Variants in GREB1L observed in about 807,000 individuals in gnomAD.
The protein encoded by GREB1L is GREB1-like protein.
GREB1L carries 17 observed loss-of-function variants against 200.8 expected under a neutral mutation model. The observed-to-expected ratio is 0.08, with a 90% CI of 0.06 to 0.13. The LOEUF (loss-of-function observed/expected upper bound fraction) is 0.13. GREB1L is among the 10% of genes least tolerant of loss of function. GREB1L has a pLI of 1.00. For missense variants in GREB1L, 1,657 were observed against 2,367.7 expected (o/e 0.70, Z 6.23); for synonymous variants, 789 against 893.0 (o/e 0.88, Z 2.08).
At chr18:21,516,492 C>T in intron 29 of GREB1L, 121 bp from the exon 30 acceptor site, 1 of 1,001,840 alleles carries the variant, frequency 1.0e-6, no homozygotes, top group East Asian at 2.6e-5. Flanking sequence ...GCCAGCTCCA[C>T]AAAAGCATGG....
chr18:21,265,487 AT>A lies in GREB1L; in HGVS notation c.-120+23103del, dbSNP rs201305455. ...GGTGATGGGCATATTTATTGAAACC[AT>A]TTTTTTTTATATTTGTTTTTACAGG... On this transcript the variant is annotated intron_variant, in intron 1 of 32. Transcript: ENST00000424526. Among the ~76,000 whole-genome samples, 690 of 151,496 alleles carry A rather than the reference AT, an allele frequency of 4.6e-3. 12 individuals carry two copies. Among genetic ancestry groups the A allele is most frequent in the East Asian group, 0.028 (146 of 5,158 alleles).
intron 15 of GREB1L, among the ~76,000 whole-genome samples, chr18:21,459,954 AC>A (rs1395252420): frequency 1.3e-5 from 2 of 151,036 alleles, no homozygotes; most frequent in Non-Finnish European, 3.0e-5. Flanking sequence ...AGGCACATTT[AC>A]CCCCCGCTTC....
intron 1 of GREB1L, among the ~76,000 whole-genome samples, chr18:21,326,176 T>A (rs1181913471): frequency 6.6e-6 from 1 of 152,060 alleles, no homozygotes; most frequent in Non-Finnish European, 1.5e-5. Context: ...TATCATAAAT[T>A]GATACATGGA....
At chr18:21,397,686 G>A (rs2144433830) in intron 5 of GREB1L, among the ~76,000 whole-genome samples, 1 of 152,286 alleles carries the variant, frequency 6.6e-6, no homozygotes, top group South Asian at 2.1e-4. Context: ...GGGCGACAGA[G>A]TGAGACTGTC....
At chr18:21,280,291 A>G (rs1015066980) in intron 1 of GREB1L, among the ~76,000 whole-genome samples, 1 of 152,174 alleles carries the variant, frequency 6.6e-6, no homozygotes, top group African/African-American at 2.4e-5. Flanking sequence ...TATAGTTGGA[A>G]TCAGATAGTA....
chr18:21,429,123 CTTCCT>C (rs1187218899), intron 7 of GREB1L, among the ~76,000 whole-genome samples: 3 of 131,268 alleles, frequency 2.3e-5, no homozygotes, highest in African/African-American at 9.7e-5. Context: ...TCCTTCCTTC[CTTCCT>C]TCCTTCCTTC....
chr18:21,465,235 A>G (rs1211058249), intron 15 of GREB1L, among the ~76,000 whole-genome samples: 3 of 152,186 alleles, frequency 2.0e-5, no homozygotes, highest in Non-Finnish European at 4.4e-5. Flanking sequence ...GTGTCCTTTA[A>G]TAAACCTAAT....
At chr18:21,307,857 A>G (rs1482132673) in intron 1 of GREB1L, among the ~76,000 whole-genome samples, 4 of 152,098 alleles carry the variant, frequency 2.6e-5, no homozygotes, top group Non-Finnish European at 2.9e-5. Flanking sequence ...GTTCTTCCCT[A>G]TAAGACTTTC....
chr18:21,480,319 C>A (rs533688497), intron 17 of GREB1L, among the ~76,000 whole-genome samples: 79 of 152,190 alleles, frequency 5.2e-4, no homozygotes, highest in African/African-American at 1.7e-3. Context: ...CCACTGCACT[C>A]CAGCCTAGGT....
chr18:21,445,838 C>T (rs1056446847), intron 11 of GREB1L, among the ~76,000 whole-genome samples: 1 of 152,076 alleles, frequency 6.6e-6, no homozygotes, highest in East Asian at 1.9e-4. Flanking sequence ...CATCTGGGTC[C>T]ACAGCTCATT....
intron 1 of GREB1L, among the ~76,000 whole-genome samples, chr18:21,277,343 G>T (rs2038186026): frequency 1.3e-5 from 2 of 152,184 alleles, no homozygotes. Flanking sequence ...CATGCTAGGG[G>T]TACCCTTTTC....
intron 17 of GREB1L, chr18:21,485,387 T>A (rs2036088156): frequency 5.0e-6 from 2 of 398,496 alleles, no homozygotes; most frequent in Non-Finnish European, 9.0e-6. Flanking sequence ...GAAGGAAGTG[T>A]GTCAACTTTC....
chr18:21,458,967 AG>A (rs537355332), intron 15 of GREB1L, among the ~76,000 whole-genome samples: 216 of 152,180 alleles, frequency 1.4e-3, no homozygotes, highest in Admixed American at 3.3e-3. Context: ...GGGAGAGAGA[AG>A]TACAGGAAGT....
chr18:21,511,260 A>G (rs1428483141), intron 27 of GREB1L, among the ~76,000 whole-genome samples: 1 of 152,032 alleles, frequency 6.6e-6, no homozygotes, highest in Non-Finnish European at 1.5e-5. Context: ...GCTACTCAAG[A>G]GGCTGAGGCA....
intron 4 of GREB1L, among the ~76,000 whole-genome samples, chr18:21,386,968 A>G (rs1598737236): frequency 1.3e-5 from 2 of 152,168 alleles, no homozygotes; most frequent in African/African-American, 4.8e-5. Context: ...GAAATCCTCT[A>G]TTTACTTAAG....
intron 7 of GREB1L, among the ~76,000 whole-genome samples, chr18:21,405,629 C>T (rs1337625213): frequency 1.3e-5 from 2 of 152,082 alleles, no homozygotes; most frequent in South Asian, 2.1e-4. Context: ...GGCAAAACCC[C>T]GTCTCTATCA....
intron 7 of GREB1L, among the ~76,000 whole-genome samples, chr18:21,433,354 A>G (rs1318970629): frequency 1.3e-5 from 2 of 152,240 alleles, no homozygotes; most frequent in African/African-American, 4.8e-5. Flanking sequence ...AAGATGAATT[A>G]TCACTCTTCA....
intron 7 of GREB1L, among the ~76,000 whole-genome samples, chr18:21,437,724 GA>G (rs1704318508): frequency 6.6e-6 from 1 of 152,108 alleles, no homozygotes; most frequent in Non-Finnish European, 1.5e-5. Context: ...TTAATTGTAA[GA>G]AAGAAAAGGA....
intron 1 of GREB1L, among the ~76,000 whole-genome samples, chr18:21,361,003 C>T (rs9952337): frequency 0.029 from 4,340 of 152,200 alleles, 226 homozygotes; most frequent in African/African-American, 0.099. Context: ...TCAGTTAAGT[C>T]GTGGTGGTCT....
Sources: gnomAD v4.1 joint callset for allele counts (sites outside exome capture counted in the v4.1 genomes callset) on GRCh38, gnomAD v4.1.1 for gene constraint, MANE v1.5 for transcripts, NCBI Gene and HGNC (gene_info 2026-07-23, HGNC 2026-07-21) for gene names.